Variants in RABEP1 observed in about 807,000 individuals in gnomAD.
RABEP1 encodes the protein rabaptin, RAB GTPase binding effector protein 1, also known as rab GTPase-binding effector protein 1.
A neutral mutation model predicts 123.4 loss-of-function variants in RABEP1; 51 were observed. That is an observed-to-expected ratio of 0.41 (90% CI 0.33 to 0.52). The LOEUF (loss-of-function observed/expected upper bound fraction) is 0.52, where lower values mean the gene tolerates loss of function less well. Ranked by LOEUF, RABEP1 falls within the 20% of genes least tolerant of loss-of-function variation. RABEP1 has a pLI of 0.16. For missense variants in RABEP1, 888 were observed against 996.3 expected, an observed-to-expected ratio of 0.89 and a Z score of 1.46; for synonymous variants, 347 against 355.2, an observed-to-expected ratio of 0.98 and a Z score of 0.26.
chr17:5,385,190 T>C lies in RABEP1; in HGVS notation c.*1967T>C, dbSNP rs576221701. 8.7e-6 allele frequency: 2 copies of C among 230,104 alleles called. No individual in the cohort carries two copies. The highest frequency in any genetic ancestry group is 1.1e-4 in the Admixed American group (2 of 17,662). 14.3% of individuals were successfully genotyped at this position (230,104 alleles called of 1,614,324 possible). ...GAGACTCTTAAGTTTTGTTTAGCAA[T>C]GTGTTTCTGGTATGAAACAAACTAC... On this transcript the variant is annotated 3_prime_UTR_variant, in exon 18 of 18. Transcript: ENST00000537505.
chr17:5,317,438 TA>T (rs1488389769), intron 2 of RABEP1, among the ~76,000 whole-genome samples: 1 of 152,146 alleles, frequency 6.6e-6, no homozygotes, highest in Non-Finnish European at 1.5e-5. Flanking sequence ...AATGGGCTTC[TA>T]CAAAAAACTT....
intron 8 of RABEP1, among the ~76,000 whole-genome samples, chr17:5,355,453 A>G (rs764391973): frequency 2.0e-5 from 3 of 152,174 alleles, no homozygotes; most frequent in Non-Finnish European, 2.9e-5. Flanking sequence ...ATGGCATACA[A>G]GGGCATTCAC....
intron 1 of RABEP1, among the ~76,000 whole-genome samples, chr17:5,303,079 A>C (rs1261112433): frequency 6.6e-6 from 1 of 152,040 alleles, no homozygotes; most frequent in Admixed American, 6.6e-5. Flanking sequence ...GCCATTTTGG[A>C]TATTCATTAC....
At chr17:5,311,936 T>C (rs1443164577) in intron 2 of RABEP1, among the ~76,000 whole-genome samples, 1 of 152,206 alleles carries the variant, frequency 6.6e-6, no homozygotes, top group Non-Finnish European at 1.5e-5. Flanking sequence ...CAGAGTTTTA[T>C]TACAGCAATT....
intron 2 of RABEP1, among the ~76,000 whole-genome samples, chr17:5,323,073 T>G (rs1441127992): frequency 2.0e-5 from 3 of 151,360 alleles, no homozygotes; most frequent in African/African-American, 7.3e-5. Context: ...AGAGACTGTC[T>G]CAAAAAAAAC....
At chr17:5,314,399 C>T (rs1367367114) in intron 2 of RABEP1, among the ~76,000 whole-genome samples, 15 of 151,404 alleles carry the variant, frequency 9.9e-5, no homozygotes, top group African/African-American at 2.7e-4. Flanking sequence ...GGTGCCACCA[C>T]GCCCAGCTAG....
At chr17:5,329,129 TAAGA>T (rs1906272405) in intron 2 of RABEP1, among the ~76,000 whole-genome samples, 2 of 151,678 alleles carry the variant, frequency 1.3e-5, no homozygotes, top group African/African-American at 4.8e-5. Flanking sequence ...TTTGTTTATA[TAAGA>T]AACTGTCCAT....
intron 12 of RABEP1, among the ~76,000 whole-genome samples, chr17:5,369,396 A>G (rs1219873457): frequency 4.6e-5 from 7 of 152,168 alleles, no homozygotes; most frequent in Admixed American, 3.3e-4. Flanking sequence ...GTGATTCTAC[A>G]AGGCTGATGC....
chr17:5,333,151 G>A (rs1383769253), intron 3 of RABEP1, among the ~76,000 whole-genome samples: 5 of 152,000 alleles, frequency 3.3e-5, no homozygotes, highest in Admixed American at 3.3e-4. Flanking sequence ...CCTGGAATTA[G>A]TTAATATTCT....
chr17:5,361,068 G>A (rs1909479810), intron 8 of RABEP1, 140 bp from the exon 9 acceptor site: 1 of 746,048 alleles, frequency 1.3e-6, no homozygotes, highest in East Asian at 2.7e-5. Flanking sequence ...ATGACACTTA[G>A]TGTTTGTTCA....
At chr17:5,288,040 T>G (rs1288930995) in intron 1 of RABEP1, among the ~76,000 whole-genome samples, 1 of 152,106 alleles carries the variant, frequency 6.6e-6, no homozygotes, top group Non-Finnish European at 1.5e-5. Flanking sequence ...CAGGATTTGC[T>G]GACGGATTGA....
At chr17:5,371,570 A>G (rs779662809) in intron 12 of RABEP1, 4 of 152,190 alleles carry the variant, frequency 2.6e-5, no homozygotes, top group Non-Finnish European at 4.4e-5. Flanking sequence ...AGTGATCATA[A>G]AGCACAGTGG....
chr17:5,288,131 T>C (rs1046713663), intron 1 of RABEP1, among the ~76,000 whole-genome samples: 3 of 152,028 alleles, frequency 2.0e-5, no homozygotes, highest in Non-Finnish European at 2.9e-5. Flanking sequence ...CACAATGCTA[T>C]GAATGCCTAT....
chr17:5,365,267 A>T (rs553789952), intron 11 of RABEP1, 29 bp downstream of exon 11: 1 of 1,403,542 alleles, frequency 7.1e-7, no homozygotes, highest in South Asian at 1.4e-5. Context: ...ACTGTGGCCC[A>T]TGAGGGATGA....
chr17:5,368,583 T>A lies in RABEP1; in HGVS notation c.1884+115T>A, dbSNP rs1272171130. 5.6e-6 allele frequency: 4 copies of A among 710,580 alleles called. No homozygotes were observed. In the African/African-American group the frequency reaches 7.0e-5, roughly 12 times the overall value. 44.0% of individuals were successfully genotyped at this position (710,580 alleles called of 1,614,324 possible). ...ATCCTGTCCAAAGTAGTTACTGTTG[T>A]CTTCTCCCGGGACTGTAGAACATTA... is the stretch of plus-strand genomic sequence containing the variant. On this transcript the variant is annotated intron_variant, in intron 12 of 17. Coordinates refer to ENST00000537505, the MANE Select transcript of RABEP1 (RefSeq NM_004703.6).
At chr17:5,316,511 A>G (rs1274949248) in intron 2 of RABEP1, among the ~76,000 whole-genome samples, 2 of 150,872 alleles carry the variant, frequency 1.3e-5, no homozygotes, top group Non-Finnish European at 3.0e-5. Flanking sequence ...TCGCAAAAAG[A>G]AAACATAGAG....
chr17:5,312,469 T>TA (rs1222395063), intron 2 of RABEP1, among the ~76,000 whole-genome samples: 3 of 152,110 alleles, frequency 2.0e-5, no homozygotes, highest in African/African-American at 4.8e-5. Context: ...GAGTTTTTAA[T>TA]ACAACAGGAC....
At chr17:5,293,994 T>C (rs1050513352) in intron 1 of RABEP1, among the ~76,000 whole-genome samples, 3 of 152,166 alleles carry the variant, frequency 2.0e-5, no homozygotes, top group African/African-American at 7.2e-5. Context: ...ACAGATAAAA[T>C]TTATATTGCC....
chr17:5,349,346 A>T (rs765207164), intron 6 of RABEP1, among the ~76,000 whole-genome samples: 7 of 152,200 alleles, frequency 4.6e-5, no homozygotes, highest in Non-Finnish European at 8.8e-5. Context: ...GAAGATAGAT[A>T]TATCATATTG....
Sources: allele counts gnomAD v4.1 joint callset (sites outside exome capture counted in the v4.1 genomes callset), GRCh38; gene constraint gnomAD v4.1.1; transcripts MANE v1.5; gene names NCBI Gene and HGNC (gene_info 2026-07-23, HGNC 2026-07-21).